Variants in INPP5D observed in about 807,000 individuals in gnomAD.
INPP5D encodes the protein phosphatidylinositol 3,4,5-trisphosphate 5-phosphatase 1.
In INPP5D, 33 loss-of-function variants were observed where a neutral mutation model predicts 122.9. That is an observed-to-expected ratio of 0.27 (90% CI 0.20 to 0.36). The LOEUF (loss-of-function observed/expected upper bound fraction) is 0.36, where lower values mean the gene tolerates loss of function less well. INPP5D is among the 10% of genes least tolerant of loss of function. The pLI is 1.00. For missense variants in INPP5D, 1,053 were observed against 1,412.7 expected, an observed-to-expected ratio of 0.75 and a Z score of 4.08; for synonymous variants, 584 against 576.2, an observed-to-expected ratio of 1.01 and a Z score of -0.19.
intron 10 of INPP5D, among the ~76,000 whole-genome samples, chr2:233,161,371 C>T (rs1694193515): frequency 6.6e-6 from 1 of 152,196 alleles, no homozygotes; most frequent in Non-Finnish European, 1.5e-5. Flanking sequence ...GGATTACAGG[C>T]ATGAGCCACC....
At chr2:233,150,986 C>T (rs1328644175) in intron 9 of INPP5D, among the ~76,000 whole-genome samples, 1 of 152,156 alleles carries the variant, frequency 6.6e-6, no homozygotes, top group Non-Finnish European at 1.5e-5. Context: ...TGTTGCTCAT[C>T]TCTCACTGTG....
In INPP5D at chr2:233,160,671, T is replaced by C. The variant is rs762353577; in HGVS notation, c.1138-1053T>C. Among the ~76,000 whole-genome samples the C allele has an allele frequency of 1.3e-5, 2 of 152,182 alleles. No individual in the cohort carries two copies. The highest frequency in any genetic ancestry group is 2.9e-5 in the Non-Finnish European group (2 of 68,024). ...TTTTCTGAGACAGGGTCTTGTTCAG[T>C]TGCCCCGGCTGAAGTGCAGTGGCAA... On this transcript the variant is annotated intron_variant, in intron 10 of 26. Coordinates refer to ENST00000445964, the MANE Select transcript of INPP5D (RefSeq NM_001017915.3). The surrounding 1 kb of genome is among the most constrained non-coding windows in gnomAD (Gnocchi z 4.2).
At position 233,170,420 on chromosome 2, in the gene INPP5D, GC is replaced by G; in HGVS notation, c.1792-71del. On this transcript the variant is annotated intron_variant, in intron 15 of 26. Coordinates refer to ENST00000445964, the MANE Select transcript of INPP5D (RefSeq NM_001017915.3). The surrounding 1 kb of genome is among the most constrained non-coding windows in gnomAD (Gnocchi z 4.5). ...TGCAGCCCGGGTCATCCAGCTGCCC[GC>G]CCCCAGCCCCGAAGCTTGTCAGGCC... is the stretch of plus-strand genomic sequence containing the variant. 1 of 1,590,546 alleles carries G rather than the reference GC, an allele frequency of 6.3e-7. No individual in the cohort carries two copies. Among genetic ancestry groups the G allele is most frequent in the South Asian group, 1.1e-5 (1 of 88,444 alleles).
chr2:233,123,808 C>A (rs944124970), intron 3 of INPP5D, among the ~76,000 whole-genome samples: 1 of 152,186 alleles, frequency 6.6e-6, no homozygotes, highest in Admixed American at 6.5e-5. Context: ...GAGATCATGT[C>A]CTTTGCAGGA....
chr2:233,125,768 G>T lies in INPP5D; in HGVS notation c.373G>T (p.Glu125Ter). ...DTVESVVSPP[E>*]LPPRNIPLTA... ...AGTAGAAAGTGTCGTGTCTCCACCC[G>T]AGCTGCCCCCAAGAAACATCCCGCT... is the stretch of plus-strand genomic sequence containing the variant. Residue 125 changes from glutamate to a stop codon, truncating the protein, a stop_gained, in exon 4 of 27, where the codon GAG (glutamate) becomes TAG (stop). Transcript: ENST00000445964. LOFTEE classifies it high-confidence loss of function. 1.9e-6 allele frequency: 3 copies of T among 1,613,626 alleles called. No homozygotes were observed. The highest frequency in any genetic ancestry group is 2.5e-6 in the Non-Finnish European group (3 of 1,179,722).
At chr2:233,205,917 A>T (rs1341109222) in intron 26 of INPP5D, among the ~76,000 whole-genome samples, 1 of 152,088 alleles carries the variant, frequency 6.6e-6, no homozygotes, top group Non-Finnish European at 1.5e-5. Flanking sequence ...TGTCTCTATT[A>T]AAAATACAAA....
At chr2:233,151,730 A>G (rs1365691094) in intron 9 of INPP5D, among the ~76,000 whole-genome samples, 1 of 152,202 alleles carries the variant, frequency 6.6e-6, no homozygotes, top group Non-Finnish European at 1.5e-5. Context: ...GTTGTTGTTA[A>G]CCACTAAATC....
chr2:233,074,818 C>A (rs1239744024), intron 1 of INPP5D, among the ~76,000 whole-genome samples: 1 of 152,018 alleles, frequency 6.6e-6, no homozygotes, highest in Non-Finnish European at 1.5e-5. Flanking sequence ...GATAGGAACA[C>A]AAAGAGGTTC....
chr2:233,202,823 C>T (rs1695373701), intron 25 of INPP5D, among the ~76,000 whole-genome samples: 4 of 152,208 alleles, frequency 2.6e-5, no homozygotes, highest in Admixed American at 2.0e-4. Flanking sequence ...AGAACACAAA[C>T]AAGCAAAGGC....
rs1250595501 is a variant in INPP5D at position 233,206,739 on chromosome 2, G to A, written c.*31G>A. On this transcript the variant is annotated 3_prime_UTR_variant, in exon 27 of 27. Transcript: ENST00000445964. The surrounding 1 kb of genome is among the most constrained non-coding windows in gnomAD (Gnocchi z 4.0). ...TCAGTGAGCTGCCACTGAGTCGGGA[G>A]CCCAGAGGAACGGCGTGAAGCCACT... is the stretch of plus-strand genomic sequence containing the variant. The A allele has an allele frequency of 2.6e-6, 2 of 765,676 alleles. No individual in the cohort carries two copies. The highest frequency in any genetic ancestry group is 4.9e-6 in the Non-Finnish European group (2 of 411,046). The allele number at this position is 765,676 out of a possible 1,614,324, so 47.4% of individuals were successfully genotyped here.
chr2:233,064,409 C>T (rs1691155713), intron 1 of INPP5D, among the ~76,000 whole-genome samples: 1 of 152,236 alleles, frequency 6.6e-6, no homozygotes, highest in Non-Finnish European at 1.5e-5. Context: ...TTCCCAGGGG[C>T]AGTGTAGACA....
intron 2 of INPP5D, among the ~76,000 whole-genome samples, chr2:233,095,693 A>C (rs1352129111): frequency 1.6e-5 from 2 of 128,882 alleles, no homozygotes; most frequent in East Asian, 2.1e-4. Context: ...CAAAATGGAG[A>C]TAGAACTTTT....
At chr2:233,096,553 G>A (rs1692148250) in intron 2 of INPP5D, among the ~76,000 whole-genome samples, 3 of 152,140 alleles carry the variant, frequency 2.0e-5, no homozygotes, top group Admixed American at 2.0e-4. Context: ...TCAGGAGGCT[G>A]AGGCAGGAGA....
At position 233,197,946 on chromosome 2, in the gene INPP5D, A is replaced by G; in HGVS notation, c.2694-149A>G. On this transcript the variant is annotated intron_variant, in intron 24 of 26. Coordinates refer to ENST00000445964, the MANE Select transcript of INPP5D (RefSeq NM_001017915.3). The surrounding 1 kb of genome is among the most constrained non-coding windows in gnomAD (Gnocchi z 4.4). ...ATCACGGTGTTGCATGGATAGATGA[A>G]TGAATGAATGGATCACTGCCCAAGA... 8.1e-7 allele frequency: 1 copy of G among 1,227,488 alleles called. No individual in the cohort carries two copies. The highest frequency in any genetic ancestry group is 1.5e-5 in the African/African-American group (1 of 66,218). 76.0% of individuals were successfully genotyped at this position (1,227,488 alleles called of 1,614,324 possible).
chr2:233,135,101 T>A (rs986201882), intron 5 of INPP5D, among the ~76,000 whole-genome samples: 13 of 139,320 alleles, frequency 9.3e-5, no homozygotes, highest in African/African-American at 2.2e-4. Context: ...AAAAAAAAAA[T>A]TTCCAGGCTT....
intron 5 of INPP5D, among the ~76,000 whole-genome samples, chr2:233,138,195 C>T (rs1693545385): frequency 6.8e-6 from 1 of 147,166 alleles, no homozygotes; most frequent in Non-Finnish European, 1.5e-5. Context: ...ACTAAAAATA[C>T]AAAAATTAGC....
At chr2:233,147,327 C>T (rs988278692) in intron 8 of INPP5D, 144 bp from the exon 9 acceptor site, 5 of 611,778 alleles carry the variant, frequency 8.2e-6, no homozygotes, top group African/African-American at 3.7e-5. Context: ...GCACGTGCGC[C>T]GCTGGGGCAA....
At chr2:233,077,778 T>G (rs1691563364) in intron 1 of INPP5D, among the ~76,000 whole-genome samples, 1 of 150,854 alleles carries the variant, frequency 6.6e-6, no homozygotes, top group South Asian at 2.1e-4. Context: ...GAGAATTGCT[T>G]GAACCTGGGA....
At chr2:233,178,382 CT>C (rs1262929775) in intron 18 of INPP5D, among the ~76,000 whole-genome samples, 1 of 152,180 alleles carries the variant, frequency 6.6e-6, no homozygotes, top group Non-Finnish European at 1.5e-5. Flanking sequence ...GTTCCCATTA[CT>C]TACGAAGTGA....
Sources: gnomAD v4.1 joint callset for allele counts (sites outside exome capture counted in the v4.1 genomes callset) on GRCh38, gnomAD v4.1.1 for gene constraint, Gnocchi (gnomAD v3.1) non-coding constraint, MANE v1.5 for transcripts, NCBI Gene and HGNC (gene_info 2026-07-23, HGNC 2026-07-21) for gene names.